FAM184A: variants seen among roughly 807,000 people sequenced by gnomAD.
FAM184A encodes protein FAM184A.
Under a neutral mutation model 143.8 loss-of-function variants are expected in FAM184A, and 99 were observed. The observed-to-expected ratio is 0.69, with a 90% CI of 0.58 to 0.81. FAM184A has a LOEUF of 0.81. FAM184A is among the 40% of genes least tolerant of loss of function. FAM184A has a pLI of 0.00. For synonymous variants in FAM184A, 427 were observed against 446.4 expected (o/e 0.96, Z 0.55); for missense variants, 1,217 against 1,310.5 (o/e 0.93, Z 1.10).
At chr6:119,051,223 A>G (rs1337856703) in intron 1 of FAM184A, among the ~76,000 whole-genome samples, 1 of 152,252 alleles carries the variant, frequency 6.6e-6, no homozygotes, top group Non-Finnish European at 1.5e-5. Flanking sequence ...AGACTCAGTC[A>G]TCTACAACAA....
chr6:119,093,231 A>G (rs1185335472), intron 1 of FAM184A, among the ~76,000 whole-genome samples: 1 of 152,176 alleles, frequency 6.6e-6, no homozygotes, highest in Non-Finnish European at 1.5e-5. Flanking sequence ...TTGGTCTCAC[A>G]TAAAAATCTC....
At chr6:119,115,787 AC>A (rs1399911309) in intron 1 of FAM184A, among the ~76,000 whole-genome samples, 11 of 147,452 alleles carry the variant, frequency 7.5e-5, no homozygotes, top group African/African-American at 2.8e-4. Flanking sequence ...ACATGGTGAA[AC>A]CCCATCTCTA....
At chr6:118,978,350 G>A (rs1369649636) in intron 11 of FAM184A, among the ~76,000 whole-genome samples, 2 of 152,208 alleles carry the variant, frequency 1.3e-5, no homozygotes, top group Admixed American at 1.3e-4. Context: ...GTTTTTGCCT[G>A]CCCTGACAAA....
intron 1 of FAM184A, among the ~76,000 whole-genome samples, chr6:119,092,595 A>G (rs1788399837): frequency 6.6e-6 from 1 of 152,144 alleles, no homozygotes. Flanking sequence ...GTCCCCTGTT[A>G]TTAGTGTCAC....
chr6:119,010,434 G>A (rs1450724830), intron 6 of FAM184A, among the ~76,000 whole-genome samples: 1 of 152,042 alleles, frequency 6.6e-6, no homozygotes, highest in Non-Finnish European at 1.5e-5. Context: ...TTATGGTGAT[G>A]GAATGGCATC....
intron 9 of FAM184A, among the ~76,000 whole-genome samples, chr6:118,985,861 T>C (rs915032850): frequency 6.6e-6 from 1 of 152,336 alleles, no homozygotes; most frequent in African/African-American, 2.4e-5. Flanking sequence ...TAGAGGACAG[T>C]AGGAATAACT....
intron 1 of FAM184A, among the ~76,000 whole-genome samples, chr6:119,030,075 A>G (rs2114704269): frequency 6.6e-6 from 1 of 152,322 alleles, no homozygotes; most frequent in South Asian, 2.1e-4. Context: ...ACTACCACTC[A>G]TACACTGAGA....
Position 118,980,171 on chromosome 6 carries a change from T to C in FAM184A, c.2268A>G (p.Gln756=), listed in dbSNP as rs747856475. Residue 756 remains glutamine (Q), a synonymous_variant, in exon 10 of 18, where the codon CAA becomes CAG. Transcript: ENST00000338891. ...CCTTTTCCTTTTCCTCTTCCATAGTTTGAAATGCAAGGACATGTGCTTCTT... is the reference window on the plus strand; with the variant it reads ...CCTTTTCCTTTTCCTCTTCCATAGTCTGAAATGCAAGGACATGTGCTTCTT... The part of the protein sequence containing the change: ...SLKEAHVLAF[Q]TMEEEKEKEQ... 6.7e-5 allele frequency: 108 copies of C among 1,614,092 alleles called. No homozygotes were observed. Among genetic ancestry groups the C allele is most frequent in the Non-Finnish European group, 9.1e-5 (107 of 1,180,016 alleles).
intron 1 of FAM184A, among the ~76,000 whole-genome samples, chr6:119,025,270 A>C (rs1785592086): frequency 6.6e-6 from 1 of 152,212 alleles, no homozygotes; most frequent in Non-Finnish European, 1.5e-5. Flanking sequence ...GAGAAGCCCT[A>C]GGCCCTAAGT....
chr6:118,976,103 G>C, intron 11 of FAM184A, 59 bp from the exon 12 acceptor site: 2 of 1,519,118 alleles, frequency 1.3e-6, no homozygotes, highest in Non-Finnish European at 1.8e-6. Flanking sequence ...CAATACTTTA[G>C]ATAAAAATTA....
At chr6:119,024,858 T>C in intron 1 of FAM184A, 45 bp from the exon 2 acceptor site, 1 of 1,486,132 alleles carries the variant, frequency 6.7e-7, no homozygotes, top group Non-Finnish European at 9.0e-7. Flanking sequence ...TGAATCCATA[T>C]TATTTTCTAA....
At chr6:118,988,195 G>A (rs962095910) in intron 9 of FAM184A, among the ~76,000 whole-genome samples, 31 of 152,066 alleles carry the variant, frequency 2.0e-4, no homozygotes, top group African/African-American at 5.8e-4. Flanking sequence ...GAATAAGAAG[G>A]GAGAGTAAAA....
At chr6:119,027,395 A>T (rs1298773047) in intron 1 of FAM184A, among the ~76,000 whole-genome samples, 1 of 152,180 alleles carries the variant, frequency 6.6e-6, no homozygotes, top group Non-Finnish European at 1.5e-5. Flanking sequence ...TTTGGTTTAC[A>T]TAAGAAATAT....
chr6:118,966,731 G>A (rs1424371592), intron 15 of FAM184A, 104 bp downstream of exon 15: 1 of 525,290 alleles, frequency 1.9e-6, no homozygotes, highest in African/African-American at 2.0e-5. Context: ...CATGTTCTGT[G>A]TTTTCTATTT....
intron 6 of FAM184A, among the ~76,000 whole-genome samples, chr6:119,008,108 G>C (rs1273306830): frequency 2.0e-5 from 3 of 152,152 alleles, no homozygotes; most frequent in East Asian, 1.9e-4. Context: ...GAACATAACT[G>C]ATCAGTTTGT....
At chr6:118,977,032 G>T (rs539388804) in intron 11 of FAM184A, among the ~76,000 whole-genome samples, 2 of 152,244 alleles carry the variant, frequency 1.3e-5, no homozygotes, top group African/African-American at 4.8e-5. Flanking sequence ...CCCAGCAACC[G>T]CACTCCTAGG....
chr6:118,980,517 A>C (rs1783988236), intron 9 of FAM184A, among the ~76,000 whole-genome samples, 167 bp from the exon 10 acceptor site: 1 of 152,224 alleles, frequency 6.6e-6, no homozygotes, highest in Non-Finnish European at 1.5e-5. Context: ...ACCATTTAAT[A>C]TCACCATTTA....
chr6:118,979,066 C>T (rs1257225659), intron 11 of FAM184A, among the ~76,000 whole-genome samples: 1 of 152,120 alleles, frequency 6.6e-6, no homozygotes, highest in Non-Finnish European at 1.5e-5. Context: ...TTCTACTGAG[C>T]AGTGATTGAT....
At chr6:119,111,463 G>T (rs1158932186) in intron 1 of FAM184A, among the ~76,000 whole-genome samples, 1 of 152,180 alleles carries the variant, frequency 6.6e-6, no homozygotes, top group East Asian at 1.9e-4. Flanking sequence ...ACAAAAATGT[G>T]AATGTTCTCA....
Sources: gnomAD v4.1 joint callset for allele counts (sites outside exome capture counted in the v4.1 genomes callset) on GRCh38, gnomAD v4.1.1 for gene constraint, MANE v1.5 for transcripts, NCBI Gene and HGNC (gene_info 2026-07-23, HGNC 2026-07-21) for gene names.